The following WWOX variants were observed in gnomAD, a reference collection of about 807,000 sequenced individuals.
WWOX encodes WW domain containing oxidoreductase.
In WWOX, 69 loss-of-function variants were observed where a neutral mutation model predicts 46.2. That is an observed-to-expected ratio of 1.49 (90% CI 1.23 to 1.82). WWOX has a LOEUF of 1.82. WWOX is among the 40% of genes most tolerant of loss of function. The pLI, the probability that WWOX is intolerant of heterozygous loss-of-function variation, is 0.00. For missense variants in WWOX, 919 were observed against 542.6 expected, an observed-to-expected ratio of 1.69 and a Z score of -6.89; for synonymous variants, 359 against 202.6, an observed-to-expected ratio of 1.77 and a Z score of -6.56.
intron 7 of WWOX, among the ~76,000 whole-genome samples, chr16:78,432,272 A>C (rs1214934503): frequency 6.6e-6 from 1 of 151,860 alleles, no homozygotes; most frequent in Non-Finnish European, 1.5e-5. Context: ...CACCTGGCTA[A>C]TTTTTGTATT....
At chr16:79,133,861 A>G (rs936524176) in intron 8 of WWOX, among the ~76,000 whole-genome samples, 1 of 152,242 alleles carries the variant, frequency 6.6e-6, no homozygotes, top group African/African-American at 2.4e-5. Flanking sequence ...AAGGCTTGGC[A>G]CAAAAAATGT....
chr16:79,060,036 A>G (rs2048331006), intron 8 of WWOX, among the ~76,000 whole-genome samples: 1 of 152,306 alleles, frequency 6.6e-6, no homozygotes, highest in East Asian at 1.9e-4. Context: ...AAGCTGATAA[A>G]TAACTGAAAC....
chr16:78,410,805 CAAA>C (rs61207788), intron 6 of WWOX, among the ~76,000 whole-genome samples: 4,243 of 74,882 alleles, frequency 0.057, 148 homozygotes, highest in East Asian at 0.18. Flanking sequence ...GGCCCCACCT[CAAA>C]AAAAAAAAAA....
intron 5 of WWOX, among the ~76,000 whole-genome samples, chr16:78,277,377 C>G (rs2079596927): frequency 6.6e-6 from 1 of 152,186 alleles, no homozygotes; most frequent in South Asian, 2.1e-4. Flanking sequence ...CTAGCATTCT[C>G]TCCTTGAGGG....
At chr16:79,043,420 G>A (rs980103193) in intron 8 of WWOX, among the ~76,000 whole-genome samples, 2 of 152,276 alleles carry the variant, frequency 1.3e-5, no homozygotes, top group East Asian at 1.9e-4. Flanking sequence ...CAACATTGAG[G>A]ATGAGAGACA....
At chr16:78,652,647 G>A (rs1017700697) in intron 8 of WWOX, among the ~76,000 whole-genome samples, 7 of 152,026 alleles carry the variant, frequency 4.6e-5, no homozygotes, top group African/African-American at 1.7e-4. Flanking sequence ...AAGATTCCTC[G>A]ACCACCCATG....
intron 4 of WWOX, among the ~76,000 whole-genome samples, chr16:78,124,785 T>A (rs1321934357): frequency 6.6e-6 from 1 of 152,184 alleles, no homozygotes; most frequent in African/African-American, 2.4e-5. Flanking sequence ...CTTTTTGTGA[T>A]TTTTGGAGCC....
At chr16:78,370,090 C>G (rs893382259) in intron 5 of WWOX, among the ~76,000 whole-genome samples, 1 of 139,964 alleles carries the variant, frequency 7.1e-6, no homozygotes, top group African/African-American at 2.8e-5. Context: ...CAAGATCACA[C>G]CACTGCTCTC....
At chr16:78,357,421 G>C (rs892360915) in intron 5 of WWOX, among the ~76,000 whole-genome samples, 3 of 152,152 alleles carry the variant, frequency 2.0e-5, no homozygotes, top group African/African-American at 4.8e-5. Flanking sequence ...AGTGGTGTTT[G>C]TATTTTGGTT....
chr16:78,662,580 A>C (rs2047241186), intron 8 of WWOX, among the ~76,000 whole-genome samples: 1 of 152,168 alleles, frequency 6.6e-6, no homozygotes, highest in South Asian at 2.1e-4. Flanking sequence ...AAACAGAAGG[A>C]GCACCAGGCA....
At chr16:79,031,851 A>ATT (rs200734815) in intron 8 of WWOX, among the ~76,000 whole-genome samples, 9,243 of 139,656 alleles carry the variant, frequency 0.066, 417 homozygotes, top group Middle Eastern at 0.14. Flanking sequence ...CTTATTATAT[A>ATT]TTATATATAT....
chr16:79,139,787 C>G (rs1336280678), intron 8 of WWOX, among the ~76,000 whole-genome samples: 1 of 152,168 alleles, frequency 6.6e-6, no homozygotes, highest in Non-Finnish European at 1.5e-5. Context: ...AGAAAGGGCT[C>G]TTGAAAAATG....
At chr16:78,796,344 C>G (rs543887674) in intron 8 of WWOX, among the ~76,000 whole-genome samples, 4 of 152,328 alleles carry the variant, frequency 2.6e-5, no homozygotes, top group East Asian at 3.9e-4. Flanking sequence ...GTCCAGACAT[C>G]TGACAGGGGA....
intron 5 of WWOX, among the ~76,000 whole-genome samples, chr16:78,217,427 C>T (rs902979179): frequency 6.6e-6 from 1 of 152,108 alleles, no homozygotes; most frequent in Non-Finnish European, 1.5e-5. Flanking sequence ...GTGATGTGAG[C>T]AGCAGAACAA....
intron 8 of WWOX, among the ~76,000 whole-genome samples, chr16:78,543,668 G>A (rs988309661): frequency 6.6e-6 from 1 of 152,150 alleles, no homozygotes; most frequent in Non-Finnish European, 1.5e-5. Flanking sequence ...TGTAATGGAG[G>A]CATCAAGACT....
chr16:78,555,432 T>G (rs1438046349), intron 8 of WWOX, among the ~76,000 whole-genome samples: 1 of 152,178 alleles, frequency 6.6e-6, no homozygotes, highest in Non-Finnish European at 1.5e-5. Flanking sequence ...TTGGACTTTG[T>G]GGCTTTAGGT....
chr16:78,353,828 C>G (rs986676878), intron 5 of WWOX, among the ~76,000 whole-genome samples: 8 of 152,228 alleles, frequency 5.3e-5, no homozygotes, highest in Admixed American at 1.3e-4. Context: ...ACAGCCTGGG[C>G]TTGGGTGGCG....
At chr16:78,876,869 T>C (rs1003081455) in intron 8 of WWOX, among the ~76,000 whole-genome samples, 1 of 152,222 alleles carries the variant, frequency 6.6e-6, no homozygotes, top group Non-Finnish European at 1.5e-5. Context: ...CTTTCTAGTT[T>C]GGGGCATAAA....
At chr16:78,189,795 C>T (rs1567620738) in intron 5 of WWOX, among the ~76,000 whole-genome samples, 2 of 152,124 alleles carry the variant, frequency 1.3e-5, no homozygotes, top group Non-Finnish European at 2.9e-5. Flanking sequence ...GCTGGGATTA[C>T]AGGCACCTGC....
Sources: gnomAD v4.1 joint callset for allele counts (sites outside exome capture counted in the v4.1 genomes callset) on GRCh38, gnomAD v4.1.1 for gene constraint, MANE v1.5 for transcripts, NCBI Gene and HGNC (gene_info 2026-07-23, HGNC 2026-07-21) for gene names.